Variants in SLC35F1 observed in about 807,000 individuals in gnomAD.
SLC35F1 encodes chromosome 6 open reading frame 169.
Under a neutral mutation model 48.7 loss-of-function variants are expected in SLC35F1, and 14 were observed. The observed-to-expected ratio is 0.29, with a 90% confidence interval of 0.19 to 0.45. The LOEUF is 0.45. Among genes scored for constraint, SLC35F1 ranks in the 20% least tolerant of loss-of-function variants. SLC35F1 has a pLI of 1.00. For synonymous variants in SLC35F1, 190 were observed against 202.2 expected, an observed-to-expected ratio of 0.94 and a Z score of 0.51; for missense variants, 404 against 500.0, an observed-to-expected ratio of 0.81 and a Z score of 1.83.
intron 1 of SLC35F1, among the ~76,000 whole-genome samples, chr6:118,125,654 A>G (rs1297781091): frequency 1.3e-5 from 2 of 152,120 alleles, no homozygotes; most frequent in African/African-American, 2.4e-5. Context: ...CCAGATTCCC[A>G]GTGGGTGGGC....
At chr6:118,207,652 C>A (rs1214846673) in intron 2 of SLC35F1, among the ~76,000 whole-genome samples, 2 of 152,164 alleles carry the variant, frequency 1.3e-5, no homozygotes, top group Admixed American at 1.3e-4. Flanking sequence ...ACAATGTCAG[C>A]AGACCTTCCC....
chr6:118,267,462 G>A (rs12525140), intron 4 of SLC35F1, among the ~76,000 whole-genome samples: 5 of 152,194 alleles, frequency 3.3e-5, no homozygotes, highest in South Asian at 2.1e-4. Context: ...AGGTCAGTCC[G>A]TTCCTGAACC....
At chr6:117,967,970 G>A (rs1469160139) in intron 1 of SLC35F1, among the ~76,000 whole-genome samples, 1 of 152,290 alleles carries the variant, frequency 6.6e-6, no homozygotes, top group East Asian at 1.9e-4. Context: ...GGATGAAGAT[G>A]TTAATATTTT....
At chr6:118,023,000 C>T (rs1418753706) in intron 1 of SLC35F1, among the ~76,000 whole-genome samples, 21 of 151,996 alleles carry the variant, frequency 1.4e-4, no homozygotes, top group Admixed American at 8.5e-4. Flanking sequence ...TCTCATGATC[C>T]GCCCACCTCA....
intron 1 of SLC35F1, among the ~76,000 whole-genome samples, chr6:118,048,596 G>A (rs1166411383): frequency 1.3e-5 from 2 of 152,210 alleles, no homozygotes; most frequent in South Asian, 2.1e-4. Flanking sequence ...CAAATCATGA[G>A]TGAACTCCCA....
chr6:118,246,324 C>A (rs945824951), intron 3 of SLC35F1, among the ~76,000 whole-genome samples: 2 of 152,166 alleles, frequency 1.3e-5, no homozygotes, highest in African/African-American at 4.8e-5. Context: ...CATGGCTCAG[C>A]TTTACAGATA....
intron 2 of SLC35F1, among the ~76,000 whole-genome samples, chr6:118,200,621 GC>G (rs1774862294): frequency 6.6e-6 from 1 of 152,126 alleles, no homozygotes; most frequent in South Asian, 2.1e-4. Flanking sequence ...TAGGCTTTTA[GC>G]CCAGATTTTT....
chr6:117,924,116 T>TAC (rs772413381), intron 1 of SLC35F1, among the ~76,000 whole-genome samples: 23 of 128,432 alleles, frequency 1.8e-4, no homozygotes, highest in East Asian at 1.4e-3. Context: ...CATATGTATA[T>TAC]ACACACATAG....
At chr6:118,108,057 G>A (rs1173009474) in intron 1 of SLC35F1, among the ~76,000 whole-genome samples, 2 of 152,032 alleles carry the variant, frequency 1.3e-5, no homozygotes, top group Non-Finnish European at 2.9e-5. Context: ...AATGAACAGT[G>A]TCAAATTGGG....
At chr6:117,989,597 A>G (rs577758889) in intron 1 of SLC35F1, among the ~76,000 whole-genome samples, 1 of 152,372 alleles carries the variant, frequency 6.6e-6, no homozygotes, top group South Asian at 2.1e-4. Context: ...TTCTGAATTT[A>G]TAAATGATTT....
chr6:118,020,589 C>T (rs1188335824), intron 1 of SLC35F1, among the ~76,000 whole-genome samples: 1 of 152,184 alleles, frequency 6.6e-6, no homozygotes, highest in African/African-American at 2.4e-5. Flanking sequence ...AGGGCTTGAT[C>T]TGGATGAGAG....
At chr6:118,299,052 G>C (rs753579902) in intron 7 of SLC35F1, among the ~76,000 whole-genome samples, 6 of 152,042 alleles carry the variant, frequency 3.9e-5, no homozygotes, top group African/African-American at 7.2e-5. Context: ...ATGGTGGCAT[G>C]CACCTGTGGT....
chr6:118,262,397 A>T (rs1582758061), intron 3 of SLC35F1, among the ~76,000 whole-genome samples: 1 of 152,250 alleles, frequency 6.6e-6, no homozygotes, highest in East Asian at 1.9e-4. Flanking sequence ...TGGAGTGGAA[A>T]AGAAAAAGAG....
At chr6:118,193,417 A>G (rs1048823471) in intron 2 of SLC35F1, among the ~76,000 whole-genome samples, 1 of 152,212 alleles carries the variant, frequency 6.6e-6, no homozygotes, top group South Asian at 2.1e-4. Flanking sequence ...GTGTCCACAC[A>G]GAATTTCTTT....
chr6:117,944,513 A>T (rs1294747723), intron 1 of SLC35F1, among the ~76,000 whole-genome samples: 3 of 151,464 alleles, frequency 2.0e-5, no homozygotes, highest in Middle Eastern at 6.8e-3. Flanking sequence ...GCTAGTTATT[A>T]TTTTTGTTTT....
intron 1 of SLC35F1, among the ~76,000 whole-genome samples, chr6:118,127,591 A>G (rs1248972108): frequency 6.6e-6 from 1 of 152,118 alleles, no homozygotes; most frequent in Non-Finnish European, 1.5e-5. Flanking sequence ...TGGTGCTGGG[A>G]AAACTGGCTA....
chr6:117,993,533 C>T (rs1485042027), intron 1 of SLC35F1, among the ~76,000 whole-genome samples: 2 of 152,076 alleles, frequency 1.3e-5, no homozygotes, highest in African/African-American at 2.4e-5. Flanking sequence ...AAGAAGGAAG[C>T]CTTTTTATAT....
chr6:118,127,765 T>C (rs1307031075), intron 1 of SLC35F1, among the ~76,000 whole-genome samples: 44 of 151,220 alleles, frequency 2.9e-4, no homozygotes, highest in Admixed American at 8.6e-4. Context: ...GACTTCATGT[T>C]TAAAACACCA....
chr6:118,200,180 A>G lies in SLC35F1; in HGVS notation c.350-35329A>G, dbSNP rs1401215966. Among the ~76,000 whole-genome samples the G allele has an allele frequency of 2.0e-5, 3 of 150,380 alleles. 1 individual carries two copies. The highest frequency in any genetic ancestry group is 4.4e-5 in the Non-Finnish European group (3 of 67,996). ...CATATATACATACATACATACATAC[A>G]TACATACATACATACATACATACAT... On this transcript the variant is annotated intron_variant, in intron 2 of 7. Coordinates refer to ENST00000360388, the MANE Select transcript of SLC35F1 (RefSeq NM_001029858.4).
Sources: gnomAD v4.1 joint callset for allele counts (sites outside exome capture counted in the v4.1 genomes callset) on GRCh38, gnomAD v4.1.1 for gene constraint, MANE v1.5 for transcripts, NCBI Gene and HGNC (gene_info 2026-07-23, HGNC 2026-07-21) for gene names.